The following LANCL3 variants were observed in gnomAD, a reference collection of about 807,000 sequenced individuals.
LANCL3 encodes lanC-like protein 3.
Under a neutral mutation model 26.5 loss-of-function variants are expected in LANCL3, and 19 were observed. The ratio of observed to expected loss-of-function variants is 0.72; its 90% CI spans 0.50 to 1.05. The LOEUF is 1.05. LANCL3 is among the 50% of genes least tolerant of loss of function. The probability of loss-of-function intolerance (pLI) is 0.00; values close to 1 mark genes in which losing one functional copy is unlikely to be tolerated. For missense variants in LANCL3, 318 were observed against 362.7 expected (o/e 0.88, Z 1.00); for synonymous variants, 160 against 166.6 (o/e 0.96, Z 0.30).
At chrX:37,574,853 C>G (rs1316256532) in intron 1 of LANCL3, among the ~76,000 whole-genome samples, 1 of 109,892 alleles carries the variant, frequency 9.1e-6, no homozygotes, top group Non-Finnish European at 1.9e-5. Flanking sequence ...AACACTCCCT[C>G]TAGATATTTA....
Position 37,590,222 on chromosome X carries a change from C to T in LANCL3, c.573+17779C>T, listed in dbSNP as rs782140012. On this transcript the variant is annotated intron_variant, in intron 1 of 4. Transcript: ENST00000378619. ...AAGCTATTTTTTGCTCTTAAGTTCT[C>T]GTCTTTGTTTCTAGAGATAATTTGC... Among the ~76,000 whole-genome samples, 18 of 112,379 alleles carry T rather than the reference C, an allele frequency of 1.6e-4. 1 individual carries two copies. The South Asian group carries it at 5.2e-3, about 32-fold the overall frequency.
chrX:37,604,246 C>A (rs782054251), intron 1 of LANCL3, among the ~76,000 whole-genome samples: 1 of 112,388 alleles, frequency 8.9e-6, no homozygotes, highest in East Asian at 2.8e-4. Context: ...AGCTAAGCAC[C>A]CCATCTTTGA....
chrX:37,588,123 A>G (rs1215203893), intron 1 of LANCL3, among the ~76,000 whole-genome samples: 1 of 112,383 alleles, frequency 8.9e-6, no homozygotes, highest in African/African-American at 3.2e-5. Flanking sequence ...TTGGCCTTTG[A>G]ATGTGAAAAT....
chrX:37,664,775 T>C (rs1926504993), intron 3 of LANCL3, among the ~76,000 whole-genome samples: 1 of 111,486 alleles, frequency 9.0e-6, no homozygotes, highest in Admixed American at 9.5e-5. Flanking sequence ...TGTCCATGTG[T>C]TCTCATCATT....
In LANCL3 at chrX:37,571,847, G is replaced by T. The variant is rs781838012; in HGVS notation, c.-24G>T. 1.7e-6 allele frequency: 2 copies of T among 1,175,761 alleles called. No homozygotes were observed. Among genetic ancestry groups the T allele is most frequent in the Non-Finnish European group, 2.3e-6 (2 of 873,495 alleles). ...ACGACTTCAAGCGGTCCTCAGCTCC[G>T]CACTAGGGGGCACGGGCAACAGCAT... On this transcript the variant is annotated 5_prime_UTR_variant, in exon 1 of 5. Coordinates refer to ENST00000378619, the MANE Select transcript of LANCL3 (RefSeq NM_001170331.2).
chrX:37,637,260 G>T (rs782773693), intron 1 of LANCL3, among the ~76,000 whole-genome samples: 1 of 112,059 alleles, frequency 8.9e-6, no homozygotes, highest in Non-Finnish European at 1.9e-5. Flanking sequence ...GATTCCTATA[G>T]TTCAGTGTGG....
At chrX:37,585,126 T>G in intron 1 of LANCL3, among the ~76,000 whole-genome samples, 1 of 112,179 alleles carries the variant, frequency 8.9e-6, no homozygotes, top group Non-Finnish European at 1.9e-5. Flanking sequence ...TTCTTAATCC[T>G]GAGTTCTAGT....
chrX:37,644,885 G>T lies in LANCL3; in HGVS notation c.574-10803G>T, dbSNP rs995973958. Among the ~76,000 whole-genome samples the T allele has an allele frequency of 2.7e-5, 3 of 112,441 alleles. No individual in the cohort carries two copies. In the Admixed American group the frequency reaches 2.8e-4, roughly 11 times the overall value. On this transcript the variant is annotated intron_variant, in intron 1 of 4. Transcript: ENST00000378619. ...GCCCAGAGAGTCTGATGTAATCAGT[G>T]TCGGGTGTGGACAGGGCATTGGGAT...
chrX:37,587,243 A>G (rs1924121335), intron 1 of LANCL3, among the ~76,000 whole-genome samples: 1 of 112,909 alleles, frequency 8.9e-6, no homozygotes, highest in Admixed American at 9.3e-5. Context: ...CTCAGGGGTC[A>G]GGGACCCACT....
At chrX:37,586,265 G>T (rs112689247) in intron 1 of LANCL3, among the ~76,000 whole-genome samples, 1 of 110,912 alleles carries the variant, frequency 9.0e-6, no homozygotes, top group Non-Finnish European at 1.9e-5. Flanking sequence ...GAATCTGACC[G>T]TTATGTGTCT....
At chrX:37,588,323 T>A (rs1211254794) in intron 1 of LANCL3, among the ~76,000 whole-genome samples, 2 of 111,579 alleles carry the variant, frequency 1.8e-5, no homozygotes, top group African/African-American at 3.3e-5. Flanking sequence ...CAGTTCGTGA[T>A]GTGTCCAAGT....
chrX:37,624,770 C>T (rs1051175514), intron 1 of LANCL3, among the ~76,000 whole-genome samples: 1 of 111,398 alleles, frequency 9.0e-6, no homozygotes, highest in African/African-American at 3.3e-5. Context: ...TCTGACCTGA[C>T]GTTCTGAGGA....
intron 1 of LANCL3, among the ~76,000 whole-genome samples, chrX:37,630,352 T>G (rs1385580340): frequency 9.0e-6 from 1 of 111,666 alleles, no homozygotes; most frequent in Non-Finnish European, 1.9e-5. Flanking sequence ...GATTTTGGGC[T>G]GAGACGATGG....
chrX:37,652,660 G>T (rs1434029675), intron 1 of LANCL3, among the ~76,000 whole-genome samples: 1 of 112,295 alleles, frequency 8.9e-6, no homozygotes, highest in Non-Finnish European at 1.9e-5. Flanking sequence ...GATGGCCAGG[G>T]AGCCCCGCTC....
intron 1 of LANCL3, among the ~76,000 whole-genome samples, chrX:37,592,670 T>C (rs1556419133): frequency 9.0e-6 from 1 of 111,600 alleles, no homozygotes; most frequent in African/African-American, 3.3e-5. Context: ...AATATTAAGT[T>C]GAATAAATGT....
At chrX:37,601,405 T>C (rs1368120936) in intron 1 of LANCL3, among the ~76,000 whole-genome samples, 1 of 111,898 alleles carries the variant, frequency 8.9e-6, no homozygotes, top group Middle Eastern at 4.2e-3. Context: ...ATGCTTCTAT[T>C]CTCAAGGAGC....
intron 1 of LANCL3, among the ~76,000 whole-genome samples, chrX:37,573,468 G>A (rs1464587222): frequency 1.8e-5 from 2 of 111,878 alleles, no homozygotes. Flanking sequence ...CCTCTACAGA[G>A]GCAGACAGGG....
intron 1 of LANCL3, among the ~76,000 whole-genome samples, chrX:37,610,889 G>A (rs782119960): frequency 2.7e-5 from 3 of 112,023 alleles, no homozygotes; most frequent in Non-Finnish European, 3.8e-5. Context: ...AGTACATCCC[G>A]AGACAAGGAT....
At chrX:37,579,558 A>G (rs1923842732) in intron 1 of LANCL3, among the ~76,000 whole-genome samples, 1 of 111,686 alleles carries the variant, frequency 9.0e-6, no homozygotes, top group Non-Finnish European at 1.9e-5. Context: ...CATGAAATTT[A>G]AAACTTATGA....
Sources: gnomAD v4.1 joint callset for allele counts (sites outside exome capture counted in the v4.1 genomes callset) on GRCh38, gnomAD v4.1.1 for gene constraint, MANE v1.5 for transcripts, NCBI Gene and HGNC (gene_info 2026-07-23, HGNC 2026-07-21) for gene names.